ATG4B: variants seen among roughly 807,000 people sequenced by gnomAD.
ATG4B encodes the protein autophagy related 4B cysteine peptidase, also known as cysteine protease ATG4B.
Under a neutral mutation model 56.6 loss-of-function variants are expected in ATG4B, and 29 were observed. The observed-to-expected ratio is 0.51, with a 90% confidence interval of 0.38 to 0.70. The LOEUF (loss-of-function observed/expected upper bound fraction) is 0.70, where lower values mean the gene tolerates loss of function less well. ATG4B is among the 30% of genes least tolerant of loss of function. ATG4B has a pLI of 0.00. For synonymous variants in ATG4B, 224 were observed against 206.1 expected (o/e 1.09, Z -0.74); for missense variants, 461 against 515.5 (o/e 0.89, Z 1.02).
intron 1 of ATG4B, among the ~76,000 whole-genome samples, chr2:241,644,975 G>A (rs2068019489): frequency 6.6e-6 from 1 of 151,880 alleles, no homozygotes; most frequent in Admixed American, 6.6e-5. Context: ...GAAATTAGAA[G>A]TGTTAATTCC....
chr2:241,637,896 C>T (rs2067721652), intron 1 of ATG4B, 172 bp downstream of exon 1: 1 of 154,776 alleles, frequency 6.5e-6, no homozygotes. Context: ...GGGTGGTGGG[C>T]GGTGGGAGCG....
intron 1 of ATG4B, among the ~76,000 whole-genome samples, chr2:241,646,727 T>C (rs991592792): frequency 6.6e-6 from 1 of 151,850 alleles, no homozygotes; most frequent in African/African-American, 2.4e-5. Context: ...TCTGAGCACA[T>C]TTAAGGCAGG....
chr2:241,647,956 A>G (rs1481282021), intron 1 of ATG4B, among the ~76,000 whole-genome samples: 1 of 152,086 alleles, frequency 6.6e-6, no homozygotes, highest in African/African-American at 2.4e-5. Flanking sequence ...TCTACTAAAA[A>G]TACAAAAATT....
At chr2:241,656,744 A>G (rs958827440) in intron 6 of ATG4B, among the ~76,000 whole-genome samples, 14 of 151,918 alleles carry the variant, frequency 9.2e-5, no homozygotes, top group African/African-American at 3.4e-4. Flanking sequence ...TGACAGCCAG[A>G]GCCCGTGCTG....
intron 1 of ATG4B, among the ~76,000 whole-genome samples, chr2:241,640,381 G>T (rs1373117586): frequency 1.3e-5 from 2 of 152,212 alleles, no homozygotes; most frequent in Non-Finnish European, 2.9e-5. Flanking sequence ...TTTCAGAGAT[G>T]ATTAATGATC....
At position 241,671,417 on chromosome 2, in the gene ATG4B, C is replaced by T. The variant is rs2068965434; in HGVS notation, c.1108+12C>T. 1 of 1,613,196 alleles carries T rather than the reference C, an allele frequency of 6.2e-7. No homozygotes were observed. Among genetic ancestry groups the T allele is most frequent in the Non-Finnish European group, 8.5e-7 (1 of 1,179,690 alleles). On this transcript the variant is annotated intron_variant, in intron 12 of 12. Coordinates refer to ENST00000404914, the MANE Select transcript of ATG4B (RefSeq NM_013325.5). ...GAACCTGTCCCTAGGTGAGAGCTGCCAAGTCCAGGTGGGGTCCCTCGGAGG... is the reference window on the plus strand; with the variant it reads ...GAACCTGTCCCTAGGTGAGAGCTGCTAAGTCCAGGTGGGGTCCCTCGGAGG...
At chr2:241,659,032 C>A (rs2068505143) in intron 6 of ATG4B, 76 bp from the exon 7 acceptor site, 2 of 1,167,038 alleles carry the variant, frequency 1.7e-6, no homozygotes, top group Non-Finnish European at 2.4e-6. Flanking sequence ...AACCCTCCTT[C>A]GCGCAGCTAT....
intron 6 of ATG4B, among the ~76,000 whole-genome samples, chr2:241,657,470 A>G (rs112509138): frequency 0.14 from 21,586 of 149,732 alleles, 1,715 homozygotes; most frequent in Middle Eastern, 0.27. Context: ...ATGCCCAACT[A>G]ATTTTTGTAT....
At chr2:241,665,198 A>G (rs1394240421) in intron 7 of ATG4B, among the ~76,000 whole-genome samples, 1 of 152,192 alleles carries the variant, frequency 6.6e-6, no homozygotes, top group Non-Finnish European at 1.5e-5. Flanking sequence ...TCCTACAAAA[A>G]AGTTCAGTGA....
chr2:241,638,555 C>T lies in ATG4B; in HGVS notation c.10+831C>T, dbSNP rs149218573. Among the ~76,000 whole-genome samples, 173 of 152,286 alleles carry T rather than the reference C, an allele frequency of 1.1e-3. 1 individual carries two copies. In the East Asian group the frequency reaches 0.027, roughly 24 times the overall value. ...TTTGTGGGAACTGATTTGCCTTTTA[C>T]CAAGTATCCCCCATCTGTAAAGAAA... On this transcript the variant is annotated intron_variant, in intron 1 of 12. Transcript: ENST00000404914.
chr2:241,654,906 GCA>G (rs1240713851), intron 5 of ATG4B: 1 of 575,046 alleles, frequency 1.7e-6, no homozygotes, highest in African/African-American at 1.9e-5. Context: ...CTGGTGCTCG[GCA>G]CAGTCTGGGG....
chr2:241,652,389 C>G (rs2068251519), intron 3 of ATG4B, among the ~76,000 whole-genome samples: 1 of 152,182 alleles, frequency 6.6e-6, no homozygotes, highest in African/African-American at 2.4e-5. Flanking sequence ...TGGAGCGAAG[C>G]CTTTCTGGTT....
intron 7 of ATG4B, among the ~76,000 whole-genome samples, chr2:241,660,735 T>C (rs1198175106): frequency 1.3e-5 from 2 of 152,232 alleles, no homozygotes; most frequent in African/African-American, 2.4e-5. Context: ...CTCCTGGCCA[T>C]GAGTGACAGC....
intron 1 of ATG4B, among the ~76,000 whole-genome samples, chr2:241,641,165 G>C (rs2067874723): frequency 6.6e-6 from 1 of 152,206 alleles, no homozygotes; most frequent in South Asian, 2.1e-4. Flanking sequence ...TGAGACAATA[G>C]AATTTGTTTG....
chr2:241,642,871 C>CTTTTTTTTTTTTTTTTTTT lies in ATG4B; in HGVS notation c.10+5147_10+5148insTTTTTTTTTTTTTTTTTTT, dbSNP rs1321613822. ...CTTAAGGTGTACAGCACCTCTCCGT[C>CTTTTTTTTTTTTTTTTTTT]CTTTTTTTTTTTTTTTTTTTTTTTT... On this transcript the variant is annotated intron_variant, in intron 1 of 12. Transcript: ENST00000404914. 3.1e-4 allele frequency among the ~76,000 whole-genome samples: 31 copies of CTTTTTTTTTTTTTTTTTTT among 98,428 alleles called. 12 individuals are homozygous for CTTTTTTTTTTTTTTTTTTT. In the East Asian group the frequency reaches 6.7e-3, roughly 21 times the overall value. 64.6% of individuals were successfully genotyped at this position (98,428 alleles called of 152,430 possible). A position where few individuals can be genotyped will look rare whatever the true frequency, so the allele number is the denominator to read the frequency against.
intron 1 of ATG4B, among the ~76,000 whole-genome samples, chr2:241,643,678 G>A (rs1178466484): frequency 7.5e-6 from 1 of 134,068 alleles, no homozygotes; most frequent in Non-Finnish European, 1.5e-5. Flanking sequence ...GTGTGTGTGT[G>A]TGTATGTATA....
intron 7 of ATG4B, 165 bp downstream of exon 7, chr2:241,659,352 C>T (rs148269152): frequency 1.9e-4 from 134 of 704,868 alleles, no homozygotes; most frequent in Non-Finnish European, 2.7e-4. Context: ...ACGGTGGCCT[C>T]GCTCTCCTAT....
intron 12 of ATG4B, chr2:241,671,686 C>T: frequency 7.3e-7 from 1 of 1,375,964 alleles, no homozygotes; most frequent in Non-Finnish European, 9.5e-7. Flanking sequence ...GGGTCTGGAG[C>T]AGACAGAACA....
At chr2:241,659,303 T>C in intron 7 of ATG4B, 116 bp downstream of exon 7, 1 of 912,700 alleles carries the variant, frequency 1.1e-6, no homozygotes, top group South Asian at 1.4e-5. Context: ...CCCCATGCCG[T>C]GCAGGTGCTC....
Sources: allele counts gnomAD v4.1 joint callset (sites outside exome capture counted in the v4.1 genomes callset), GRCh38; gene constraint gnomAD v4.1.1; transcripts MANE v1.5; gene names NCBI Gene and HGNC (gene_info 2026-07-23, HGNC 2026-07-21).